ENOX1: variants seen among roughly 807,000 people sequenced by gnomAD.
ENOX1 encodes the protein ecto-NOX disulfide-thiol exchanger 1.
ENOX1 carries 42 observed loss-of-function variants against 82.5 expected under a neutral mutation model. That is an observed-to-expected ratio of 0.51 (90% confidence interval 0.40 to 0.66). The LOEUF is 0.66. Among genes scored for constraint, ENOX1 ranks in the 30% least tolerant of loss-of-function variants. ENOX1 has a pLI of 0.00. For synonymous variants in ENOX1, 271 were observed against 282.2 expected, an observed-to-expected ratio of 0.96 and a Z score of 0.40; for missense variants, 608 against 811.6, an observed-to-expected ratio of 0.75 and a Z score of 3.05.
chr13:43,665,060 C>G (rs367934911), intron 2 of ENOX1, among the ~76,000 whole-genome samples: 2 of 152,172 alleles, frequency 1.3e-5, no homozygotes, highest in East Asian at 1.9e-4. Flanking sequence ...GCCTGACCCA[C>G]ACAGTCAATC....
At chr13:43,659,871 G>A (rs1437565282) in intron 2 of ENOX1, among the ~76,000 whole-genome samples, 1 of 152,076 alleles carries the variant, frequency 6.6e-6, no homozygotes, top group East Asian at 1.9e-4. Flanking sequence ...CTTGGGATTT[G>A]GTAAATCAGT....
intron 5 of ENOX1, among the ~76,000 whole-genome samples, chr13:43,385,103 G>T (rs1359557449): frequency 1.3e-5 from 2 of 152,096 alleles, no homozygotes; most frequent in African/African-American, 4.8e-5. Context: ...GGCAGGGAAA[G>T]GTTCTCTGAT....
intron 1 of ENOX1, among the ~76,000 whole-genome samples, chr13:43,729,916 C>T (rs2089231401): frequency 6.6e-6 from 1 of 152,228 alleles, no homozygotes; most frequent in Non-Finnish European, 1.5e-5. Context: ...TGGATCTCTT[C>T]TTGAGTTACC....
chr13:43,363,865 T>C (rs942572574), intron 5 of ENOX1, among the ~76,000 whole-genome samples: 1 of 152,240 alleles, frequency 6.6e-6, no homozygotes, highest in South Asian at 2.1e-4. Context: ...ATACCACTCT[T>C]GTACAACGTA....
intron 12 of ENOX1, among the ~76,000 whole-genome samples, chr13:43,294,759 C>T (rs2046198312): frequency 6.6e-6 from 1 of 152,202 alleles, no homozygotes; most frequent in African/African-American, 2.4e-5. Flanking sequence ...AAACAAACCA[C>T]AGCTCTTTCT....
chr13:43,670,965 T>C (rs2085238977), intron 1 of ENOX1, among the ~76,000 whole-genome samples: 1 of 152,226 alleles, frequency 6.6e-6, no homozygotes, highest in Non-Finnish European at 1.5e-5. Context: ...ACATCTGATA[T>C]GATCTGGCTC....
chr13:43,222,892 T>C (rs1403998504), intron 16 of ENOX1, among the ~76,000 whole-genome samples: 2 of 152,290 alleles, frequency 1.3e-5, no homozygotes, highest in African/African-American at 2.4e-5. Flanking sequence ...ATGAAAAAAA[T>C]AGATGATTCT....
chr13:43,525,600 C>T (rs1335013759), intron 2 of ENOX1, among the ~76,000 whole-genome samples: 1 of 152,104 alleles, frequency 6.6e-6, no homozygotes, highest in Admixed American at 6.6e-5. Context: ...TTCCTATTAA[C>T]AATGCACAAG....
At chr13:43,741,578 C>T (rs994736843) in intron 1 of ENOX1, among the ~76,000 whole-genome samples, 11 of 152,202 alleles carry the variant, frequency 7.2e-5, no homozygotes, top group East Asian at 1.9e-4. Context: ...TGCCCATTTT[C>T]GAATTGTGTT....
intron 10 of ENOX1, among the ~76,000 whole-genome samples, chr13:43,325,037 A>G (rs1385034359): frequency 6.6e-6 from 1 of 152,246 alleles, no homozygotes; most frequent in Non-Finnish European, 1.5e-5. Context: ...AATCTGAATC[A>G]TAGTTTATGG....
At chr13:43,280,618 A>C (rs1375019427) in intron 12 of ENOX1, among the ~76,000 whole-genome samples, 1 of 152,256 alleles carries the variant, frequency 6.6e-6, no homozygotes, top group Non-Finnish European at 1.5e-5. Context: ...CATCAGCCAT[A>C]GATGTCTGAC....
At chr13:43,505,869 G>A (rs374935688) in intron 2 of ENOX1, among the ~76,000 whole-genome samples, 1 of 152,046 alleles carries the variant, frequency 6.6e-6, no homozygotes, top group African/African-American at 2.4e-5. Flanking sequence ...TTCTTCTAGG[G>A]TTTTTATGGT....
chr13:43,270,375 G>C (rs943546478), intron 12 of ENOX1, among the ~76,000 whole-genome samples: 12 of 152,160 alleles, frequency 7.9e-5, no homozygotes, highest in African/African-American at 2.7e-4. Flanking sequence ...TGACAACAAA[G>C]GACTGGTTCG....
intron 5 of ENOX1, among the ~76,000 whole-genome samples, chr13:43,401,374 T>C (rs185144879): frequency 6.6e-6 from 1 of 152,282 alleles, no homozygotes; most frequent in African/African-American, 2.4e-5. Context: ...TAGTGATCAT[T>C]GAGAGACGGG....
At chr13:43,713,381 G>T (rs1291123094) in intron 1 of ENOX1, among the ~76,000 whole-genome samples, 2 of 151,910 alleles carry the variant, frequency 1.3e-5, no homozygotes, top group East Asian at 1.9e-4. Context: ...TCTCTTTTTT[G>T]GTTGTGTCTC....
At chr13:43,582,998 CAG>C (rs58421833) in intron 2 of ENOX1, among the ~76,000 whole-genome samples, 19,588 of 151,840 alleles carry the variant, frequency 0.13, 1,762 homozygotes, top group East Asian at 0.45. Context: ...GACAGACAGA[CAG>C]ACAGACACAC....
At chr13:43,643,644 T>C (rs1383904800) in intron 2 of ENOX1, among the ~76,000 whole-genome samples, 1 of 151,212 alleles carries the variant, frequency 6.6e-6, no homozygotes, top group Non-Finnish European at 1.5e-5. Flanking sequence ...TATATATATA[T>C]ATATACACAC....
chr13:43,775,086 G>A (rs1487948931), intron 1 of ENOX1, among the ~76,000 whole-genome samples: 1 of 152,126 alleles, frequency 6.6e-6, no homozygotes, highest in Non-Finnish European at 1.5e-5. Flanking sequence ...GACCTCAAGT[G>A]ATCCGCCAAC....
At chr13:43,338,263 G>A (rs1174915626) in intron 9 of ENOX1, among the ~76,000 whole-genome samples, 1 of 152,298 alleles carries the variant, frequency 6.6e-6, no homozygotes, top group East Asian at 1.9e-4. Context: ...GACAAGCTTT[G>A]TTCATAACTG....
Sources: allele counts gnomAD v4.1 joint callset (sites outside exome capture counted in the v4.1 genomes callset), GRCh38; gene constraint gnomAD v4.1.1; transcripts MANE v1.5; gene names NCBI Gene and HGNC (gene_info 2026-07-23, HGNC 2026-07-21).